UACA: variants seen among roughly 807,000 people sequenced by gnomAD.
The protein encoded by UACA is nuclear membrane binding protein.
In UACA, 112 loss-of-function variants were observed where a neutral mutation model predicts 160.5. The ratio of observed to expected loss-of-function variants is 0.70; its 90% CI spans 0.60 to 0.82. The LOEUF (loss-of-function observed/expected upper bound fraction) is 0.82. Ranked by LOEUF, UACA falls within the 40% of genes least tolerant of loss-of-function variation. UACA has a pLI of 0.00. For missense variants in UACA, 1,574 were observed against 1,614.6 expected, an observed-to-expected ratio of 0.97 and a Z score of 0.43; for synonymous variants, 557 against 568.4, an observed-to-expected ratio of 0.98 and a Z score of 0.29.
chr15:70,693,432 C>T (rs974795387), intron 3 of UACA, among the ~76,000 whole-genome samples: 5 of 152,044 alleles, frequency 3.3e-5, no homozygotes, highest in Non-Finnish European at 7.4e-5. Flanking sequence ...TAAGATAATA[C>T]ACATAAAGAT....
intron 1 of UACA, among the ~76,000 whole-genome samples, chr15:70,700,714 G>A (rs986803189): frequency 7.2e-5 from 11 of 151,946 alleles, no homozygotes; most frequent in African/African-American, 2.7e-4. Flanking sequence ...TCAGAAGATA[G>A]AACTAAAATA....
At chr15:70,672,489 G>A (rs1445116794) in intron 13 of UACA, among the ~76,000 whole-genome samples, 7 of 145,736 alleles carry the variant, frequency 4.8e-5, no homozygotes, top group Non-Finnish European at 3.1e-5. Flanking sequence ...AAGAGAGAGA[G>A]AGCAGGAAAT....
the UACA span, among the ~76,000 whole-genome samples, chr15:70,773,083 GA>G: frequency 5.4e-5 from 8 of 148,510 alleles, no homozygotes; most frequent in South Asian, 4.3e-4. Flanking sequence ...AAATCAAACA[GA>G]AAAAAAAAGG....
rs1252084840 is a variant in UACA at position 70,655,064 on chromosome 15, A to C, written c.*1992T>G. On this transcript the variant is annotated 3_prime_UTR_variant, in exon 19 of 19. Transcript: ENST00000322954. ...TGCTCTCACAGACAGTAAATAAAAT[A>C]GTTTAACTCGCAAATCTTTTACAAG... 3.9e-5 allele frequency: 6 copies of C among 152,222 alleles called. No individual in the cohort carries two copies. The highest frequency in any genetic ancestry group is 1.4e-4 in the African/African-American group (6 of 41,460). 9.4% of individuals were successfully genotyped at this position (152,222 alleles called of 1,614,324 possible). A position where few individuals can be genotyped will look rare whatever the true frequency, so the allele number is the denominator to read the frequency against.
chr15:70,690,513 T>C lies in UACA; in HGVS notation c.367-2A>G. 1 of 1,610,462 alleles carries C rather than the reference T, an allele frequency of 6.2e-7. No homozygotes were observed. Among genetic ancestry groups the C allele is most frequent in the South Asian group, 1.1e-5 (1 of 90,186 alleles). On this transcript the variant is annotated splice_acceptor_variant, in intron 4 of 18. Coordinates refer to ENST00000322954, the MANE Select transcript of UACA (RefSeq NM_018003.4). LOFTEE classifies it high-confidence loss of function. ...TGCATGCTCAGTGGGACAATTGTAC[T>C]GTTAAAGTAAAGAAAACTTAGTAAA...
upstream of UACA, among the ~76,000 whole-genome samples, chr15:70,766,691 G>C (rs1460709062): frequency 6.6e-6 from 1 of 152,118 alleles, no homozygotes; most frequent in Admixed American, 6.5e-5. Context: ...TTACTGAATC[G>C]TGTAGTAAGA....
At chr15:70,661,670 T>A (rs979995504) in intron 17 of UACA, 2 of 152,124 alleles carry the variant, frequency 1.3e-5, no homozygotes, top group Non-Finnish European at 2.9e-5. Context: ...TATTAGTGCA[T>A]AATTAAAAGC....
intron 1 of UACA, chr15:70,703,327 C>T: frequency 4.0e-6 from 5 of 1,246,726 alleles, no homozygotes; most frequent in Non-Finnish European, 5.2e-6. Context: ...GAAGTAGCTG[C>T]TATATTATAG....
chr15:70,764,541 C>T (rs548402967), upstream of UACA, among the ~76,000 whole-genome samples: 19 of 152,280 alleles, frequency 1.2e-4, no homozygotes, highest in South Asian at 3.7e-3. Context: ...AAAAGACAAA[C>T]GGTCCACATT....
At chr15:70,691,153 T>C (rs959445581) in intron 4 of UACA, 146 bp downstream of exon 4, 1 of 540,458 alleles carries the variant, frequency 1.9e-6, no homozygotes, top group Non-Finnish European at 3.2e-6. Context: ...TTCACATTCC[T>C]TCACAAATGA....
At chr15:70,710,503 T>C (rs1481556132) in intron 1 of UACA, among the ~76,000 whole-genome samples, 8 of 152,118 alleles carry the variant, frequency 5.3e-5, no homozygotes, top group Non-Finnish European at 1.0e-4. Context: ...TACCTGGAGA[T>C]AGTGTCAGAT....
rs148951230 is a variant in UACA, at chr15:70,729,747, T to G, written c.79-30087A>C. 1.1e-3 allele frequency among the ~76,000 whole-genome samples: 160 copies of G among 142,824 alleles called. 19 individuals are homozygous for G. Among genetic ancestry groups the G allele is most frequent in the African/African-American group, 4.5e-3 (155 of 34,394 alleles). The allele number at this position is 142,824 out of a possible 152,430, so 93.7% of individuals were successfully genotyped here. ...AGACGGTGATTTCTGCATTTCCATC[T>G]GAGCTTTGAAGAGAGCAGTGGTTCT... is the stretch of plus-strand genomic sequence containing the variant. On this transcript the variant is annotated intron_variant, in intron 1 of 18. Transcript: ENST00000322954.
rs553984775 is a variant in UACA, at chr15:70,762,928, G to A, written c.78+402C>T. Among the ~76,000 whole-genome samples the A allele has an allele frequency of 5.3e-5, 8 of 152,306 alleles. No homozygotes were observed. The South Asian group carries it at 1.2e-3, about 24-fold the overall frequency. On this transcript the variant is annotated intron_variant, in intron 1 of 18. Coordinates refer to ENST00000322954, the MANE Select transcript of UACA (RefSeq NM_018003.4). ...GCGAGCCCCGGCCCCGGGGACTGGG[G>A]AGCCAACACGGCCGAGCGGGCGTGG...
intron 1 of UACA, chr15:70,702,029 C>G (rs943754162): frequency 1.3e-6 from 2 of 1,523,646 alleles, no homozygotes; most frequent in Admixed American, 4.1e-5. Flanking sequence ...GACTCAGTCC[C>G]TCACATGCTG....
chr15:70,687,574 CTCTA>C lies in UACA; in HGVS notation c.564_567del (p.Asp188GlufsTer18). ...TTGTCTCTGGAATTAACATCCGCTC[CTCTA>C]TCTATCAGCAGTTGACATATTGTTG... On this transcript the variant is annotated frameshift_variant, in exon 7 of 19. Transcript: ENST00000322954. LOFTEE classifies it high-confidence loss of function. 6.2e-7 allele frequency: 1 copy of C among 1,613,894 alleles called. No individual in the cohort carries two copies. The highest frequency in any genetic ancestry group is 8.5e-7 in the Non-Finnish European group (1 of 1,179,848).
chr15:70,773,898 T>C, the UACA span, among the ~76,000 whole-genome samples: 3 of 152,228 alleles, frequency 2.0e-5, no homozygotes, highest in African/African-American at 7.2e-5. Context: ...TTTCTCAGTC[T>C]TTCTACTAGC....
chr15:70,707,638 T>C (rs1366578320), intron 1 of UACA, among the ~76,000 whole-genome samples: 1 of 151,498 alleles, frequency 6.6e-6, no homozygotes, highest in Non-Finnish European at 1.5e-5. Context: ...AAAGATAATA[T>C]ACAAATAGCC....
chr15:70,766,983 G>A (rs1267842628), upstream of UACA, among the ~76,000 whole-genome samples: 2 of 152,106 alleles, frequency 1.3e-5, no homozygotes, highest in African/African-American at 4.8e-5. Context: ...GCTCACACCT[G>A]TAATCCCAGC....
chr15:70,659,531 C>T (rs182272477), intron 18 of UACA, among the ~76,000 whole-genome samples: 2 of 147,910 alleles, frequency 1.4e-5, no homozygotes, highest in East Asian at 2.1e-4. Context: ...GAAAAAAAAT[C>T]TATTCTGAGA....
Sources: gnomAD v4.1 joint callset for allele counts (sites outside exome capture counted in the v4.1 genomes callset) on GRCh38, gnomAD v4.1.1 for gene constraint, MANE v1.5 for transcripts, NCBI Gene and HGNC (gene_info 2026-07-23, HGNC 2026-07-21) for gene names.